NEGR1: variants seen among roughly 807,000 people sequenced by gnomAD.
The protein encoded by NEGR1 is IgLON family member 4.
Under a neutral mutation model 40.9 loss-of-function variants are expected in NEGR1, and 10 were observed. That is an observed-to-expected ratio of 0.24 (90% CI 0.15 to 0.42). NEGR1 has a LOEUF of 0.42. Ranked by LOEUF, NEGR1 falls within the 10% of genes least tolerant of loss-of-function variation. NEGR1 has a pLI of 1.00. For synonymous variants in NEGR1, 185 were observed against 166.8 expected (o/e 1.11, Z -0.84); for missense variants, 352 against 438.9 (o/e 0.80, Z 1.77).
chr1:72,201,665 A>C (rs1173006427), intron 1 of NEGR1, among the ~76,000 whole-genome samples: 1 of 151,536 alleles, frequency 6.6e-6, no homozygotes, highest in Non-Finnish European at 1.5e-5. Flanking sequence ...AAGATGTTAA[A>C]ATGTGGTGGG....
chr1:71,671,423 C>T (rs1281530167), intron 4 of NEGR1, among the ~76,000 whole-genome samples: 2 of 151,988 alleles, frequency 1.3e-5, no homozygotes, highest in African/African-American at 4.8e-5. Context: ...TTTAATAATG[C>T]ACTGAAATAA....
At chr1:71,960,788 A>G (rs1205059669) in intron 1 of NEGR1, among the ~76,000 whole-genome samples, 1 of 152,158 alleles carries the variant, frequency 6.6e-6, no homozygotes, top group Non-Finnish European at 1.5e-5. Flanking sequence ...GGTTAATTTC[A>G]TTGCTTAGGT....
intron 4 of NEGR1, among the ~76,000 whole-genome samples, chr1:71,671,899 T>A (rs957148519): frequency 6.7e-6 from 1 of 149,252 alleles, no homozygotes; most frequent in African/African-American, 2.5e-5. Context: ...CTCTCTTTTT[T>A]TTTTTTTTTT....
intron 2 of NEGR1, among the ~76,000 whole-genome samples, chr1:71,819,393 A>T (rs1022072149): frequency 6.6e-6 from 1 of 151,796 alleles, no homozygotes; most frequent in African/African-American, 2.4e-5. Flanking sequence ...CAAATAGAAC[A>T]GTAATCCTCT....
intron 2 of NEGR1, among the ~76,000 whole-genome samples, chr1:71,810,105 C>A (rs545022444): frequency 6.6e-6 from 1 of 152,054 alleles, no homozygotes; most frequent in Non-Finnish European, 1.5e-5. Context: ...TAGCAATCTT[C>A]GGTGCACAAT....
rs776411417 is a variant in NEGR1 at position 71,739,199 on chromosome 1, G to GA, written c.535+36972dup. Among the ~76,000 whole-genome samples the GA allele has an allele frequency of 9.7e-3, 617 of 63,576 alleles. 7 individuals carry two copies. Among genetic ancestry groups the GA allele is most frequent in the Middle Eastern group, 0.028 (3 of 108 alleles). The allele number at this position is 63,576 out of a possible 152,430, so 41.7% of individuals were successfully genotyped here. Reference sequence around the variant, plus strand: ...TGTGCAGCCAGAAAAAAGGCAGGCAGAAAAAAAAAAAAAAAAAACAAAAAA... The same window carrying GA: ...TGTGCAGCCAGAAAAAAGGCAGGCAGAAAAAAAAAAAAAAAAAAACAAAAAA... On this transcript the variant is annotated intron_variant, in intron 3 of 6. Transcript: ENST00000357731.
intron 4 of NEGR1, among the ~76,000 whole-genome samples, chr1:71,649,030 C>T (rs138754285): frequency 3.7e-4 from 57 of 152,140 alleles, no homozygotes; most frequent in African/African-American, 1.3e-3. Flanking sequence ...TTCTCATCTA[C>T]AATTTCTGAA....
chr1:72,065,808 C>T (rs935564646), intron 1 of NEGR1, among the ~76,000 whole-genome samples: 1 of 152,046 alleles, frequency 6.6e-6, no homozygotes, highest in Non-Finnish European at 1.5e-5. Context: ...GCATATAATG[C>T]TCACAGCACC....
At position 72,146,756 on chromosome 1, in the gene NEGR1, G is replaced by A. The variant is rs536994215; in HGVS notation, c.176+135563C>T. On this transcript the variant is annotated intron_variant, in intron 1 of 6. Coordinates refer to ENST00000357731, the MANE Select transcript of NEGR1 (RefSeq NM_173808.3). ...CAGGTCTTAAGTATGTTGAATAAGC[G>A]TTACTCAACCTCTATTGTATCTGTA... Among the ~76,000 whole-genome samples the A allele has an allele frequency of 9.2e-5, 14 of 152,234 alleles. No individual in the cohort carries two copies. The East Asian group carries it at 1.5e-3, about 17-fold the overall frequency.
At chr1:72,112,236 T>C (rs553342670) in intron 1 of NEGR1, among the ~76,000 whole-genome samples, 127 of 150,914 alleles carry the variant, frequency 8.4e-4, no homozygotes, top group Non-Finnish European at 1.1e-3. Flanking sequence ...TTTAGAATAT[T>C]GATGGCTCAG....
At chr1:71,783,343 G>T (rs556690133) in intron 2 of NEGR1, among the ~76,000 whole-genome samples, 9 of 152,218 alleles carry the variant, frequency 5.9e-5, no homozygotes, top group African/African-American at 2.2e-4. Context: ...TCCTGGAAAA[G>T]GTGTTGTTCT....
chr1:72,171,152 G>A (rs1651948906), intron 1 of NEGR1, among the ~76,000 whole-genome samples: 1 of 152,098 alleles, frequency 6.6e-6, no homozygotes, highest in South Asian at 2.1e-4. Flanking sequence ...CCCCTTTCCA[G>A]AGCAGGAAGG....
chr1:71,441,303 A>ACC (rs1646545698), intron 6 of NEGR1, among the ~76,000 whole-genome samples: 1 of 152,152 alleles, frequency 6.6e-6, no homozygotes, highest in Non-Finnish European at 1.5e-5. Context: ...ATCGGCCCCA[A>ACC]TCTTTTAGCT....
intron 3 of NEGR1, among the ~76,000 whole-genome samples, chr1:71,730,626 T>C (rs1654830676): frequency 6.8e-6 from 1 of 147,702 alleles, no homozygotes; most frequent in Admixed American, 6.8e-5. Flanking sequence ...TTCCATACTC[T>C]GCAAACACAT....
chr1:72,157,467 C>T (rs1279094594), intron 1 of NEGR1, among the ~76,000 whole-genome samples: 3 of 152,096 alleles, frequency 2.0e-5, no homozygotes, highest in Non-Finnish European at 4.4e-5. Context: ...CCAGATTCTG[C>T]ATTTTGTAAC....
At chr1:71,837,391 A>G (rs1032470628) in intron 2 of NEGR1, among the ~76,000 whole-genome samples, 3 of 152,054 alleles carry the variant, frequency 2.0e-5, no homozygotes, top group Admixed American at 6.6e-5. Context: ...TCAAATATAG[A>G]TCCCTCTCAT....
rs573572523 is a variant in NEGR1 at position 71,600,831 on chromosome 1, T to A, written c.789-7863A>T. On this transcript the variant is annotated intron_variant, in intron 5 of 6. Coordinates refer to ENST00000357731, the MANE Select transcript of NEGR1 (RefSeq NM_173808.3). Reference sequence around the variant, plus strand: ...AGATCAACTATTTATTTTAGAACGATCATTACGCATTTTAAAAACACAACC... The same window carrying A: ...AGATCAACTATTTATTTTAGAACGAACATTACGCATTTTAAAAACACAACC... Among the ~76,000 whole-genome samples the A allele has an allele frequency of 2.0e-5, 3 of 152,290 alleles. No individual in the cohort carries two copies. The South Asian group carries it at 6.2e-4, about 32-fold the overall frequency.
At chr1:71,685,935 C>T (rs1653021447) in intron 4 of NEGR1, among the ~76,000 whole-genome samples, 1 of 138,122 alleles carries the variant, frequency 7.2e-6, no homozygotes, top group African/African-American at 2.7e-5. Flanking sequence ...AAACTATTGT[C>T]AGAAAAGTTT....
chr1:72,225,201 G>T (rs1031831455), intron 1 of NEGR1, among the ~76,000 whole-genome samples: 1 of 151,890 alleles, frequency 6.6e-6, no homozygotes, highest in African/African-American at 2.4e-5. Context: ...AATCAGAGAA[G>T]TAACTTATCC....
Sources: allele counts gnomAD v4.1 joint callset (sites outside exome capture counted in the v4.1 genomes callset), GRCh38; gene constraint gnomAD v4.1.1; transcripts MANE v1.5; gene names NCBI Gene and HGNC (gene_info 2026-07-23, HGNC 2026-07-21).